RIMS3: variants seen among roughly 807,000 people sequenced by gnomAD.
RIMS3 encodes the protein regulating synaptic membrane exocytosis 3.
Under a neutral mutation model 29.2 loss-of-function variants are expected in RIMS3, and 15 were observed. That is an observed-to-expected ratio of 0.51 (90% CI 0.34 to 0.79). The LOEUF (loss-of-function observed/expected upper bound fraction) is 0.79. Ranked by LOEUF, RIMS3 falls within the 30% of genes least tolerant of loss-of-function variation. RIMS3 has a pLI of 0.01. For synonymous variants in RIMS3, 161 were observed against 170.1 expected (o/e 0.95, Z 0.41); for missense variants, 342 against 421.4 (o/e 0.81, Z 1.65).
chr1:40,684,598 G>C, the RIMS3 span, among the ~76,000 whole-genome samples: 3 of 151,112 alleles, frequency 2.0e-5, no homozygotes, highest in African/African-American at 7.4e-5. Context: ...ATAAGAGAAA[G>C]TGGGAAAACA....
intron 2 of RIMS3, among the ~76,000 whole-genome samples, chr1:40,645,712 C>T (rs1646590742): frequency 6.6e-6 from 1 of 152,108 alleles, no homozygotes; most frequent in Admixed American, 6.5e-5. Flanking sequence ...GAGTACCACC[C>T]CCAGGGGGTG....
chr1:40,630,140 A>G (rs952593253), intron 5 of RIMS3, among the ~76,000 whole-genome samples: 1 of 152,098 alleles, frequency 6.6e-6, no homozygotes, highest in African/African-American at 2.4e-5. Flanking sequence ...CTGAGCTAAA[A>G]ACCTGCCCAG....
At chr1:40,660,231 C>T (rs1469457071) in intron 1 of RIMS3, among the ~76,000 whole-genome samples, 6 of 152,034 alleles carry the variant, frequency 3.9e-5, no homozygotes, top group East Asian at 3.9e-4. Flanking sequence ...GGGAGGACGG[C>T]GATGCCAGAG....
Position 40,636,114 on chromosome 1 carries a change from G to C in RIMS3, c.218-57C>G. ...GGAACAAGGTCAGATTATGAATGGG[G>C]CTTCTCTAAGAGTCCTGCCAAAGTC... On this transcript the variant is annotated intron_variant, in intron 3 of 7. Transcript: ENST00000372684. The surrounding 1 kb of genome is among the most constrained non-coding windows in gnomAD (Gnocchi z 4.2). The C allele has an allele frequency of 1.3e-6, 2 of 1,591,398 alleles. No homozygotes were observed. The highest frequency in any genetic ancestry group is 1.7e-6 in the Non-Finnish European group (2 of 1,172,580).
At chr1:40,658,924 A>G (rs1328108572) in intron 1 of RIMS3, among the ~76,000 whole-genome samples, 1 of 152,202 alleles carries the variant, frequency 6.6e-6, no homozygotes, top group African/African-American at 2.4e-5. Context: ...AATTAAGACA[A>G]GAGAGAAGCT....
chr1:40,667,106 G>A (rs532855492), upstream of RIMS3, among the ~76,000 whole-genome samples: 4 of 152,294 alleles, frequency 2.6e-5, no homozygotes, highest in South Asian at 8.3e-4. Flanking sequence ...GGATTGCTAG[G>A]AGGCATAGTC....
At chr1:40,633,327 T>C in intron 4 of RIMS3, 146 bp from the exon 5 acceptor site, 1 of 612,588 alleles carries the variant, frequency 1.6e-6, no homozygotes, top group Non-Finnish European at 2.9e-6. Context: ...ATGATTGCAC[T>C]ACTCTGGGAA....
At chr1:40,689,869 C>T in the RIMS3 span, among the ~76,000 whole-genome samples, 2 of 152,292 alleles carry the variant, frequency 1.3e-5, no homozygotes, top group African/African-American at 4.8e-5. Flanking sequence ...CACTCCCTTC[C>T]CCTGGGATCC....
the RIMS3 span, among the ~76,000 whole-genome samples, chr1:40,689,569 C>T: frequency 1.3e-5 from 2 of 151,968 alleles, no homozygotes; most frequent in East Asian, 1.9e-4. Flanking sequence ...TGTGAGCCAC[C>T]GTGCCCGGCC....
chr1:40,691,278 G>C, the RIMS3 span: 1 of 159,770 alleles, frequency 6.3e-6, no homozygotes, highest in Non-Finnish European at 1.4e-5. Flanking sequence ...GCCAGTAGCT[G>C]TCTACTTGAA....
upstream of RIMS3, among the ~76,000 whole-genome samples, chr1:40,666,332 C>T (rs918871337): frequency 1.3e-5 from 2 of 152,156 alleles, no homozygotes; most frequent in African/African-American, 4.8e-5. Flanking sequence ...GTTTTCCCAA[C>T]GAGGAGGTTG....
chr1:40,650,467 T>C (rs1160118647), intron 1 of RIMS3, among the ~76,000 whole-genome samples: 1 of 152,198 alleles, frequency 6.6e-6, no homozygotes, highest in Non-Finnish European at 1.5e-5. Flanking sequence ...CACAAGCCCA[T>C]GTGAACTGGG....
At chr1:40,642,106 G>T in intron 2 of RIMS3, 150 bp from the exon 3 acceptor site, 1 of 609,572 alleles carries the variant, frequency 1.6e-6, no homozygotes, top group East Asian at 2.8e-5. Flanking sequence ...TCAAGAGCAT[G>T]CACAGGTTCT....
chr1:40,646,771 C>G (rs539883181), intron 2 of RIMS3, among the ~76,000 whole-genome samples: 2 of 152,292 alleles, frequency 1.3e-5, no homozygotes, highest in South Asian at 4.1e-4. Flanking sequence ...TCTCAGTACC[C>G]TAAAAGGGCC....
the RIMS3 span, among the ~76,000 whole-genome samples, chr1:40,681,258 G>C: frequency 6.6e-6 from 1 of 152,164 alleles, no homozygotes; most frequent in Non-Finnish European, 1.5e-5. Flanking sequence ...GGGGTGTAGA[G>C]GTGAGCTCAG....
chr1:40,623,595 C>A lies in RIMS3; in HGVS notation c.*2922G>T, dbSNP rs1333940427. 12 of 398,374 alleles carry A rather than the reference C, an allele frequency of 3.0e-5. No homozygotes were observed. The highest frequency in any genetic ancestry group is 5.3e-5 in the Non-Finnish European group (12 of 226,102). 24.7% of individuals were successfully genotyped at this position (398,374 alleles called of 1,614,324 possible). A position where few individuals can be genotyped will look rare whatever the true frequency, so the allele number is the denominator to read the frequency against. On this transcript the variant is annotated 3_prime_UTR_variant, in exon 8 of 8. Transcript: ENST00000372684. ...GGCAAGGGGGCATTTGGAGCCGGGACACTGAACATGGCAGTGAGTTGGCCC... is the reference window on the plus strand; with the variant it reads ...GGCAAGGGGGCATTTGGAGCCGGGAAACTGAACATGGCAGTGAGTTGGCCC...
chr1:40,632,711 C>T (rs2148345819), intron 5 of RIMS3, among the ~76,000 whole-genome samples: 1 of 151,984 alleles, frequency 6.6e-6, no homozygotes, highest in Non-Finnish European at 1.5e-5. Flanking sequence ...ACTATACTTC[C>T]TAGCTGCAAG....
At chr1:40,671,753 TTTTC>T in the RIMS3 span, among the ~76,000 whole-genome samples, 2 of 149,470 alleles carry the variant, frequency 1.3e-5, no homozygotes, top group Non-Finnish European at 3.0e-5. Flanking sequence ...CTTTCCTTTC[TTTTC>T]TTTTTTTTTT....
intron 1 of RIMS3, among the ~76,000 whole-genome samples, chr1:40,650,849 G>T (rs1408906316): frequency 8.7e-6 from 1 of 115,374 alleles, no homozygotes; most frequent in Non-Finnish European, 1.6e-5. Flanking sequence ...CTGGATGACA[G>T]AGCCAGACTC....
Sources: gnomAD v4.1 joint callset for allele counts (sites outside exome capture counted in the v4.1 genomes callset) on GRCh38, gnomAD v4.1.1 for gene constraint, Gnocchi (gnomAD v3.1) non-coding constraint, MANE v1.5 for transcripts, NCBI Gene and HGNC (gene_info 2026-07-23, HGNC 2026-07-21) for gene names.